The following HIVEP1 variants were observed in gnomAD, a reference collection of about 807,000 sequenced individuals.
HIVEP1 encodes the protein HIVEP zinc finger 1, also known as zinc finger protein 40.
A neutral mutation model predicts 180.0 loss-of-function variants in HIVEP1; 36 were observed. That is an observed-to-expected ratio of 0.20 (90% CI 0.15 to 0.26). The LOEUF (loss-of-function observed/expected upper bound fraction) is 0.26, where lower values mean the gene tolerates loss of function less well. Among genes scored for constraint, HIVEP1 ranks in the 10% least tolerant of loss-of-function variants. HIVEP1 has a pLI of 1.00. For synonymous variants in HIVEP1, 1,239 were observed against 1,239.0 expected, an observed-to-expected ratio of 1.00 and a Z score of 0.00; for missense variants, 3,143 against 3,268.7, an observed-to-expected ratio of 0.96 and a Z score of 0.94.
At chr6:12,020,275 C>T (rs968520049) in intron 2 of HIVEP1, 2 of 467,646 alleles carry the variant, frequency 4.3e-6, no homozygotes, top group South Asian at 1.6e-5. Context: ...GTTTTGACAC[C>T]GACCTATCCT....
intron 2 of HIVEP1, among the ~76,000 whole-genome samples, chr6:12,066,185 T>C (rs1205706016): frequency 6.6e-6 from 1 of 152,136 alleles, no homozygotes; most frequent in Non-Finnish European, 1.5e-5. Context: ...AGATAGCTTG[T>C]GCGCTGTTTC....
At chr6:12,017,383 T>C (rs1483727924) in intron 2 of HIVEP1, among the ~76,000 whole-genome samples, 1 of 152,248 alleles carries the variant, frequency 6.6e-6, no homozygotes, top group Non-Finnish European at 1.5e-5. Flanking sequence ...AGGTTCGTGG[T>C]CTCGCTGGTT....
At chr6:12,162,263 G>A (rs959851798) in intron 8 of HIVEP1, among the ~76,000 whole-genome samples, 5 of 148,670 alleles carry the variant, frequency 3.4e-5, no homozygotes, top group East Asian at 3.9e-4. Context: ...CACAAGTCCC[G>A]CAACTGATTT....
At chr6:12,074,648 G>A (rs187903745) in intron 2 of HIVEP1, among the ~76,000 whole-genome samples, 11 of 151,872 alleles carry the variant, frequency 7.2e-5, no homozygotes, top group Admixed American at 4.6e-4. Context: ...GTGTGTGCGC[G>A]CGCGTGCATG....
At chr6:12,146,909 A>C (rs1233871889) in intron 7 of HIVEP1, among the ~76,000 whole-genome samples, 4 of 152,126 alleles carry the variant, frequency 2.6e-5, no homozygotes, top group Non-Finnish European at 5.9e-5. Context: ...GGCTGGAATC[A>C]GGGAAAGACC....
intron 3 of HIVEP1, among the ~76,000 whole-genome samples, chr6:12,111,403 T>C (rs1355208602): frequency 3.3e-5 from 5 of 152,254 alleles, no homozygotes; most frequent in Non-Finnish European, 2.9e-5. Flanking sequence ...CAGTACTTAC[T>C]GTCTTGTGGT....
At chr6:12,135,739 G>T in intron 6 of HIVEP1, 52 bp from the exon 7 acceptor site, 1 of 1,177,298 alleles carries the variant, frequency 8.5e-7, no homozygotes, top group South Asian at 1.3e-5. Flanking sequence ...GTTTACAAAT[G>T]CAATAGCAAA....
At chr6:12,091,104 AT>A (rs1773446858) in intron 3 of HIVEP1, among the ~76,000 whole-genome samples, 1 of 152,168 alleles carries the variant, frequency 6.6e-6, no homozygotes, top group African/African-American at 2.4e-5. Context: ...AAGAAATAAT[AT>A]CAGTTTCTCT....
the HIVEP1 span, among the ~76,000 whole-genome samples, chr6:12,176,315 G>A: frequency 1.4e-5 from 2 of 146,122 alleles, no homozygotes; most frequent in East Asian, 2.1e-4. Context: ...TCACCAGAAC[G>A]TCCACCTGCA....
At chr6:12,166,189 A>T (rs527427532), downstream of HIVEP1, among the ~76,000 whole-genome samples, 7 of 152,310 alleles carry the variant, frequency 4.6e-5, no homozygotes, top group African/African-American at 1.7e-4. Flanking sequence ...TAACTGTGTC[A>T]TGAACTTTTT....
the HIVEP1 span, among the ~76,000 whole-genome samples, chr6:12,192,753 C>T: frequency 6.6e-6 from 1 of 152,080 alleles, no homozygotes; most frequent in African/African-American, 2.4e-5. Flanking sequence ...AATTAAATCT[C>T]TTTTCTTCAT....
intron 7 of HIVEP1, among the ~76,000 whole-genome samples, chr6:12,147,992 T>C (rs1020157424): frequency 2.0e-5 from 3 of 152,194 alleles, no homozygotes; most frequent in Non-Finnish European, 4.4e-5. Flanking sequence ...TCTGTATATG[T>C]TTTAAAACCT....
chr6:12,097,236 T>C (rs1348840668), intron 3 of HIVEP1, among the ~76,000 whole-genome samples: 1 of 152,030 alleles, frequency 6.6e-6, no homozygotes, highest in Non-Finnish European at 1.5e-5. Flanking sequence ...AGTCTCTTAA[T>C]GTTAAATGCC....
At chr6:12,011,272 C>A (rs1767270830), upstream of HIVEP1, among the ~76,000 whole-genome samples, 1 of 43,980 alleles carries the variant, frequency 2.3e-5, no homozygotes. Flanking sequence ...CCTTGGGGTC[C>A]CCCCCCCCCC....
intron 2 of HIVEP1, among the ~76,000 whole-genome samples, chr6:12,066,559 T>G (rs1771602949): frequency 6.6e-6 from 1 of 152,336 alleles, no homozygotes; most frequent in Admixed American, 6.5e-5. Flanking sequence ...TCCTTGGAAG[T>G]GTTGGACTTA....
In HIVEP1 at chr6:12,120,012, G is replaced by A. The variant is rs1414276133; in HGVS notation, c.217G>A (p.Ala73Thr). ...PKSPLRNPLQ[A>T]KHKQNTEESS... ...ATCCCCACTGAGAAATCCTCTTCAGGCAAAACATAAACAAAATACAGAAGA... is the reference window on the plus strand; with the variant it reads ...ATCCCCACTGAGAAATCCTCTTCAGACAAAACATAAACAAAATACAGAAGA... Residue 73 changes from alanine (A) to threonine (T), a missense_variant, in exon 4 of 9, where the codon GCA becomes ACA. By Grantham distance (58) the Ala-to-Thr change is moderately conservative (BLOSUM62 0). Transcript: ENST00000379388. The A allele has an allele frequency of 3.1e-5, 50 of 1,612,742 alleles. No homozygotes were observed. Among genetic ancestry groups the A allele is most frequent in the African/African-American group, 5.4e-5 (4 of 74,756 alleles).
intron 7 of HIVEP1, among the ~76,000 whole-genome samples, chr6:12,137,623 T>TTA (rs70981667): frequency 6.6e-6 from 1 of 151,832 alleles, no homozygotes; most frequent in Non-Finnish European, 1.5e-5. Flanking sequence ...TTTTTTTTTT[T>TTA]ACAGTGTTTG....
At chr6:12,029,183 T>C (rs2327505) in intron 2 of HIVEP1, among the ~76,000 whole-genome samples, 1 of 151,694 alleles carries the variant, frequency 6.6e-6, no homozygotes, top group Non-Finnish European at 1.5e-5. Context: ...TGTGGTTACA[T>C]AGAGTGTTCT....
At chr6:12,148,281 C>T (rs914346717) in intron 7 of HIVEP1, among the ~76,000 whole-genome samples, 1 of 152,184 alleles carries the variant, frequency 6.6e-6, no homozygotes, top group Admixed American at 6.5e-5. Flanking sequence ...CTGGTTCCCC[C>T]CTGCATCCTC....
Sources: gnomAD v4.1 joint callset for allele counts (sites outside exome capture counted in the v4.1 genomes callset) on GRCh38, gnomAD v4.1.1 for gene constraint, MANE v1.5 for transcripts, NCBI Gene and HGNC (gene_info 2026-07-23, HGNC 2026-07-21) for gene names.